Variants in SHQ1 observed in about 807,000 individuals in gnomAD.
SHQ1 encodes the protein protein SHQ1 homolog.
A neutral mutation model predicts 53.8 loss-of-function variants in SHQ1; 49 were observed. The ratio of observed to expected loss-of-function variants is 0.91; its 90% CI spans 0.72 to 1.16. The LOEUF (loss-of-function observed/expected upper bound fraction) is 1.16. Ranked by LOEUF, SHQ1 falls within the 50% of genes most tolerant of loss-of-function variation. SHQ1 has a pLI of 0.00. For missense variants in SHQ1, 738 were observed against 683.1 expected (o/e 1.08, Z -0.90); for synonymous variants, 243 against 251.0 (o/e 0.97, Z 0.30).
At chr3:72,812,474 G>A (rs1707155094) in intron 9 of SHQ1, among the ~76,000 whole-genome samples, 197 bp downstream of exon 9, 2 of 152,180 alleles carry the variant, frequency 1.3e-5, no homozygotes. Context: ...TCGGAAAAGA[G>A]TCTTTATTAT....
the SHQ1 span, among the ~76,000 whole-genome samples, chr3:72,742,619 CTTTT>C: frequency 1.6e-5 from 2 of 128,606 alleles, no homozygotes; most frequent in African/African-American, 5.9e-5. Flanking sequence ...TTCTTTTTTT[CTTTT>C]TTTTTTTTTT....
At chr3:72,787,746 G>C (rs568530214) in intron 10 of SHQ1, among the ~76,000 whole-genome samples, 1 of 144,682 alleles carries the variant, frequency 6.9e-6, no homozygotes, top group East Asian at 2.1e-4. Flanking sequence ...CCCTTTGCAC[G>C]GTCTCCCTCT....
At chr3:72,795,888 A>G (rs143973040) in intron 9 of SHQ1, among the ~76,000 whole-genome samples, 59 of 152,142 alleles carry the variant, frequency 3.9e-4, no homozygotes, top group African/African-American at 1.4e-3. Flanking sequence ...GCGGATTACG[A>G]GGTCAGAAGT....
chr3:72,834,971 C>A (rs1281766240), intron 4 of SHQ1, among the ~76,000 whole-genome samples: 2 of 152,162 alleles, frequency 1.3e-5, no homozygotes, highest in Non-Finnish European at 2.9e-5. Context: ...CAAAATCAGT[C>A]TCCCTGAGCT....
At chr3:72,830,495 C>G (rs1457774571) in intron 5 of SHQ1, among the ~76,000 whole-genome samples, 1 of 150,014 alleles carries the variant, frequency 6.7e-6, no homozygotes, top group South Asian at 2.1e-4. Flanking sequence ...TAACCACTAA[C>G]AACAAGAAAA....
Position 72,828,474 on chromosome 3 carries a change from C to T in SHQ1, c.599+3895G>A, listed in dbSNP as rs188514797. 2.3e-4 allele frequency among the ~76,000 whole-genome samples: 35 copies of T among 152,250 alleles called. 1 individual carries two copies. The highest frequency in any genetic ancestry group is 2.3e-3 in the Admixed American group (35 of 15,302). On this transcript the variant is annotated intron_variant, in intron 5 of 10. Coordinates refer to ENST00000325599, the MANE Select transcript of SHQ1 (RefSeq NM_018130.3). ...CTTTGGGAGGCCAAGGCAGGTGGAT[C>T]ACTTGAGGTCAGGAGTTCAAGACCA...
intron 10 of SHQ1, 116 bp downstream of exon 10, chr3:72,792,800 A>AC (rs1706480012): frequency 4.1e-6 from 3 of 736,680 alleles, no homozygotes; most frequent in East Asian, 3.3e-5. Context: ...AAAAAAAAAA[A>AC]AAAAAAAAAA....
At chr3:72,792,784 CAA>C (rs59948195) in intron 10 of SHQ1, 130 bp downstream of exon 10, 10,702 of 252,120 alleles carry the variant, frequency 0.042, no homozygotes, top group South Asian at 0.063. Flanking sequence ...ACCTCCATCT[CAA>C]AAAAAAAAAA....
In SHQ1 at chr3:72,833,385, G is replaced by A. The variant is rs967739169; in HGVS notation, c.487-904C>T. On this transcript the variant is annotated intron_variant, in intron 4 of 10. Transcript: ENST00000325599. ...GAGCCCAGGAGATGGAGGCTGCAGT[G>A]AGCCAAGATCATGCCACTGCACTCT... is the stretch of plus-strand genomic sequence containing the variant. Among the ~76,000 whole-genome samples, 105 of 152,082 alleles carry A rather than the reference G, an allele frequency of 6.9e-4. 1 individual carries two copies. Among genetic ancestry groups the A allele is most frequent in the African/African-American group, 2.5e-3 (103 of 41,410 alleles).
At chr3:72,824,595 G>T in intron 5 of SHQ1, 44 bp from the exon 6 acceptor site, 1 of 1,560,160 alleles carries the variant, frequency 6.4e-7, no homozygotes, top group Non-Finnish European at 8.6e-7. Flanking sequence ...GGATTTCACT[G>T]GCTTTTACTT....
chr3:72,802,589 C>T (rs1706821871), intron 9 of SHQ1, among the ~76,000 whole-genome samples: 2 of 152,312 alleles, frequency 1.3e-5, no homozygotes, highest in East Asian at 1.9e-4. Flanking sequence ...GGACATGGAA[C>T]TCTTTTATAT....
At chr3:72,796,238 A>C (rs2106806973) in intron 9 of SHQ1, among the ~76,000 whole-genome samples, 1 of 152,272 alleles carries the variant, frequency 6.6e-6, no homozygotes, top group Middle Eastern at 3.4e-3. Flanking sequence ...TCAGACACTA[A>C]CAAGGAGGAA....
At chr3:72,781,208 T>C (rs1257651370) in intron 10 of SHQ1, among the ~76,000 whole-genome samples, 2 of 151,918 alleles carry the variant, frequency 1.3e-5, no homozygotes, top group African/African-American at 4.8e-5. Context: ...TACAGGCACG[T>C]GCCACCATGC....
intron 10 of SHQ1, among the ~76,000 whole-genome samples, chr3:72,765,935 G>A (rs1238763055): frequency 1.3e-5 from 2 of 152,056 alleles, no homozygotes; most frequent in South Asian, 2.1e-4. Context: ...ATATTCTTGT[G>A]TAAGAAAAGA....
At chr3:72,823,759 T>C (rs1177054935) in intron 6 of SHQ1, among the ~76,000 whole-genome samples, 1 of 152,214 alleles carries the variant, frequency 6.6e-6, no homozygotes, top group African/African-American at 2.4e-5. Context: ...CTAATAGTGA[T>C]TACTTCCGGG....
At chr3:72,731,380 T>A in the SHQ1 span, among the ~76,000 whole-genome samples, 1 of 151,538 alleles carries the variant, frequency 6.6e-6, no homozygotes, top group Non-Finnish European at 1.5e-5. Context: ...CATTAAAAAG[T>A]TTTTTTAAAA....
rs1708431789 is a variant in SHQ1, at chr3:72,848,424, G to C, written c.-84C>G. 1.9e-6 allele frequency: 3 copies of C among 1,562,800 alleles called. No individual in the cohort carries two copies. The African/African-American group carries it at 4.1e-5, about 21-fold the overall frequency. On this transcript the variant is annotated 5_prime_UTR_variant, in exon 1 of 11. Coordinates refer to ENST00000325599, the MANE Select transcript of SHQ1 (RefSeq NM_018130.3). The stretch of plus-strand genomic sequence containing the variant: ...ACGCAAACTCTCCAACTCCCCACGC[G>C]CAGGAACTCTCGGTGTGAGGGACGG...
At position 72,830,402 on chromosome 3, in the gene SHQ1, A is replaced by T. The variant is rs146763783; in HGVS notation, c.599+1967T>A. 4.5e-3 allele frequency among the ~76,000 whole-genome samples: 692 copies of T among 152,190 alleles called. 6 individuals carry two copies. Among genetic ancestry groups the T allele is most frequent in the African/African-American group, 0.015 (633 of 41,550 alleles). ...ACATTATTATGCTAATATTATATACATTATGTATTACATGTGTATATCACA... is the reference window on the plus strand; with the variant it reads ...ACATTATTATGCTAATATTATATACTTTATGTATTACATGTGTATATCACA... On this transcript the variant is annotated intron_variant, in intron 5 of 10. Coordinates refer to ENST00000325599, the MANE Select transcript of SHQ1 (RefSeq NM_018130.3).
rs965040533 is a variant in SHQ1 at position 72,749,610 on chromosome 3, G to A, written c.*674C>T. 6 of 219,666 alleles carry A rather than the reference G, an allele frequency of 2.7e-5. No individual in the cohort carries two copies. The highest frequency in any genetic ancestry group is 6.7e-5 in the East Asian group (1 of 14,996). The allele number at this position is 219,666 out of a possible 1,614,324, so 13.6% of individuals were successfully genotyped here. A position where few individuals can be genotyped will look rare whatever the true frequency, so the allele number is the denominator to read the frequency against. The stretch of plus-strand genomic sequence containing the variant: ...CAGTTGTGGTGATAGTTTTACGCAG[G>A]GTATACATACGCCAACACATTGTAC... On this transcript the variant is annotated 3_prime_UTR_variant, in exon 11 of 11. Transcript: ENST00000325599.
Sources: gnomAD v4.1 joint callset for allele counts (sites outside exome capture counted in the v4.1 genomes callset) on GRCh38, gnomAD v4.1.1 for gene constraint, MANE v1.5 for transcripts, NCBI Gene and HGNC (gene_info 2026-07-23, HGNC 2026-07-21) for gene names.